The following VSNL1 variants were observed in gnomAD, a reference collection of about 807,000 sequenced individuals.
VSNL1 encodes the protein visinin-like protein 1.
Under a neutral mutation model 20.4 loss-of-function variants are expected in VSNL1, and 6 were observed. The ratio of observed to expected loss-of-function variants is 0.29; its 90% CI spans 0.16 to 0.58. The LOEUF is 0.58. VSNL1 is among the 20% of genes least tolerant of loss of function. VSNL1 has a pLI of 0.90. For synonymous variants in VSNL1, 93 were observed against 86.4 expected, an observed-to-expected ratio of 1.08 and a Z score of -0.42; for missense variants, 100 against 234.5, an observed-to-expected ratio of 0.43 and a Z score of 3.75.
In VSNL1 at chr2:17,635,836, G is replaced by A. The variant is rs533257182; in HGVS notation, c.163-13574G>A. 3.9e-5 allele frequency among the ~76,000 whole-genome samples: 6 copies of A among 152,206 alleles called. No homozygotes were observed. The South Asian group carries it at 1.0e-3, about 26-fold the overall frequency. On this transcript the variant is annotated intron_variant, in intron 2 of 3. Transcript: ENST00000295156. ...CTGTACAAAATGCCATTTACTCATG[G>A]GATTTATCTTTTCACACCCATGGAA...
At chr2:17,576,503 T>C (rs1250308088) in intron 1 of VSNL1, among the ~76,000 whole-genome samples, 2 of 152,238 alleles carry the variant, frequency 1.3e-5, no homozygotes, top group Non-Finnish European at 2.9e-5. Flanking sequence ...AGTTTTGCTG[T>C]ATTTGATTAT....
At chr2:17,556,002 G>A (rs1306858753) in intron 1 of VSNL1, among the ~76,000 whole-genome samples, 2 of 152,154 alleles carry the variant, frequency 1.3e-5, no homozygotes, top group African/African-American at 4.8e-5. Context: ...TTACACGAGT[G>A]TTAAAATGAT....
chr2:17,596,678 T>C (rs537669283), intron 2 of VSNL1, among the ~76,000 whole-genome samples: 1 of 152,200 alleles, frequency 6.6e-6, no homozygotes, highest in Non-Finnish European at 1.5e-5. Flanking sequence ...CTTTCAAGAT[T>C]ATTTTCATCA....
At chr2:17,554,148 G>A (rs558711597) in intron 1 of VSNL1, among the ~76,000 whole-genome samples, 55 of 152,288 alleles carry the variant, frequency 3.6e-4, no homozygotes, top group Admixed American at 2.6e-3. Context: ...AAAGTGAGCA[G>A]CTTCTATGTT....
intron 2 of VSNL1, among the ~76,000 whole-genome samples, chr2:17,605,571 C>T (rs1485251571): frequency 1.3e-5 from 2 of 152,206 alleles, no homozygotes; most frequent in African/African-American, 2.4e-5. Context: ...AAGAGAAAGG[C>T]TCTCGGAGAA....
At chr2:17,557,841 A>C (rs62131501) in intron 1 of VSNL1, among the ~76,000 whole-genome samples, 4,464 of 152,252 alleles carry the variant, frequency 0.029, 64 homozygotes, top group Middle Eastern at 0.054. Flanking sequence ...CAGATAAAGA[A>C]ATTTACAAGC....
intron 2 of VSNL1, among the ~76,000 whole-genome samples, chr2:17,637,121 T>TCCCTTC (rs1665769756): frequency 6.6e-6 from 1 of 151,976 alleles, no homozygotes; most frequent in African/African-American, 2.4e-5. Context: ...GCTCTTCCCC[T>TCCCTTC]CCCTTCCCCT....
intron 1 of VSNL1, chr2:17,541,653 A>T (rs2103331318): frequency 6.6e-6 from 1 of 152,300 alleles, no homozygotes; most frequent in South Asian, 2.1e-4. Context: ...GCCATCCGGA[A>T]TCTGGGGTTA....
chr2:17,627,252 A>G (rs1665533692), intron 2 of VSNL1, among the ~76,000 whole-genome samples: 1 of 152,180 alleles, frequency 6.6e-6, no homozygotes, highest in Admixed American at 6.5e-5. Context: ...TCATTTATTC[A>G]TCCTTTCAAT....
intron 1 of VSNL1, among the ~76,000 whole-genome samples, chr2:17,548,260 C>T (rs1032697437): frequency 6.6e-6 from 1 of 151,726 alleles, no homozygotes; most frequent in Non-Finnish European, 1.5e-5. Flanking sequence ...TTTTTAACTC[C>T]TCAAAGAGCA....
At chr2:17,548,007 TC>T (rs2103336509) in intron 1 of VSNL1, among the ~76,000 whole-genome samples, 1 of 152,206 alleles carries the variant, frequency 6.6e-6, no homozygotes, top group African/African-American at 2.4e-5. Context: ...AAACAGGATT[TC>T]TATCTGATAC....
At chr2:17,578,523 C>G (rs1395870730) in intron 1 of VSNL1, among the ~76,000 whole-genome samples, 1 of 152,178 alleles carries the variant, frequency 6.6e-6, no homozygotes, top group Non-Finnish European at 1.5e-5. Context: ...CATAACTACT[C>G]CAAGTGAAAG....
At chr2:17,587,493 A>G (rs1299938419) in intron 1 of VSNL1, among the ~76,000 whole-genome samples, 2 of 151,964 alleles carry the variant, frequency 1.3e-5, no homozygotes, top group Admixed American at 1.3e-4. Flanking sequence ...TTCCACATCC[A>G]CGAAGTTCTC....
chr2:17,613,448 C>G (rs1264475564), intron 2 of VSNL1, among the ~76,000 whole-genome samples: 1 of 152,212 alleles, frequency 6.6e-6, no homozygotes, highest in Non-Finnish European at 1.5e-5. Flanking sequence ...GGACAGCAAA[C>G]AGAAGTTAGC....
rs145175727 is a variant in VSNL1 at position 17,639,182 on chromosome 2, A to G, written c.163-10228A>G. 6.6e-4 allele frequency among the ~76,000 whole-genome samples: 101 copies of G among 152,264 alleles called. 1 individual carries two copies. In the East Asian group the frequency reaches 0.019, roughly 28 times the overall value. On this transcript the variant is annotated intron_variant, in intron 2 of 3. Coordinates refer to ENST00000295156, the MANE Select transcript of VSNL1 (RefSeq NM_003385.5). ...ACTCCTCATAACATCTCATGTTGCA[A>G]AATGCATTGCTTCGATGGAAATATT...
intron 2 of VSNL1, among the ~76,000 whole-genome samples, chr2:17,641,518 A>G (rs1665882324): frequency 6.6e-6 from 1 of 152,248 alleles, no homozygotes; most frequent in African/African-American, 2.4e-5. Context: ...TTCAATATTT[A>G]CCAGGAAGAG....
At chr2:17,570,447 A>T (rs961685772) in intron 1 of VSNL1, among the ~76,000 whole-genome samples, 1 of 152,214 alleles carries the variant, frequency 6.6e-6, no homozygotes, top group African/African-American at 2.4e-5. Flanking sequence ...TTTAAATATT[A>T]AATCTATTAA....
chr2:17,622,578 AAGAAAG>A (rs1403253745), intron 2 of VSNL1, among the ~76,000 whole-genome samples: 7 of 140,720 alleles, frequency 5.0e-5, no homozygotes, highest in Admixed American at 2.8e-4. Context: ...GAAAGAAAGA[AAGAAAG>A]AAAGAAAGAA....
At chr2:17,605,343 C>T (rs1664920066) in intron 2 of VSNL1, among the ~76,000 whole-genome samples, 1 of 152,162 alleles carries the variant, frequency 6.6e-6, no homozygotes, top group African/African-American at 2.4e-5. Flanking sequence ...GTGAACCAGC[C>T]TTCCCAGCCT....
Sources: gnomAD v4.1 joint callset for allele counts (sites outside exome capture counted in the v4.1 genomes callset) on GRCh38, gnomAD v4.1.1 for gene constraint, MANE v1.5 for transcripts, NCBI Gene and HGNC (gene_info 2026-07-23, HGNC 2026-07-21) for gene names.